Variants in DLGAP1 observed in about 807,000 individuals in gnomAD.
The protein encoded by DLGAP1 is disks large-associated protein 1.
DLGAP1 carries 11 observed loss-of-function variants against 90.8 expected under a neutral mutation model. That is an observed-to-expected ratio of 0.12 (90% CI 0.08 to 0.20). The LOEUF is 0.20. DLGAP1 is among the 10% of genes least tolerant of loss of function. The pLI is 1.00. For synonymous variants in DLGAP1, 558 were observed against 540.7 expected, an observed-to-expected ratio of 1.03 and a Z score of -0.44; for missense variants, 1,050 against 1,333.8, an observed-to-expected ratio of 0.79 and a Z score of 3.31.
intron 7 of DLGAP1, among the ~76,000 whole-genome samples, chr18:3,638,348 A>G (rs2146280344): frequency 6.6e-6 from 1 of 150,632 alleles, no homozygotes; most frequent in South Asian, 2.1e-4. Context: ...CCTGAGCTCA[A>G]GTGATCCTCC....
chr18:3,905,908 C>T (rs2071895806), intron 3 of DLGAP1, among the ~76,000 whole-genome samples: 1 of 152,184 alleles, frequency 6.6e-6, no homozygotes, highest in African/African-American at 2.4e-5. Flanking sequence ...AATGGTTTTA[C>T]CACAGCATTT....
chr18:3,635,784 T>C (rs141074492), intron 7 of DLGAP1, among the ~76,000 whole-genome samples: 23 of 151,716 alleles, frequency 1.5e-4, no homozygotes, highest in African/African-American at 5.6e-4. Context: ...TATGTTTAAA[T>C]AGTCAGCAAT....
intron 1 of DLGAP1, among the ~76,000 whole-genome samples, chr18:4,347,590 T>C (rs2081323229): frequency 6.6e-6 from 1 of 152,086 alleles, no homozygotes; most frequent in Admixed American, 6.6e-5. Flanking sequence ...TTTCCATATA[T>C]GCTGAAAGGC....
chr18:4,198,277 C>T (rs4287663), intron 1 of DLGAP1, among the ~76,000 whole-genome samples: 18,572 of 152,014 alleles, frequency 0.12, 1,372 homozygotes, highest in South Asian at 0.28. Context: ...AAACACCTAT[C>T]ATTGGATTTC....
chr18:3,652,025 G>A (rs897679482), intron 7 of DLGAP1, among the ~76,000 whole-genome samples: 4 of 151,810 alleles, frequency 2.6e-5, no homozygotes, highest in Admixed American at 1.3e-4. Flanking sequence ...TTAGCCGGGC[G>A]TGGTGGCGCG....
chr18:4,155,822 G>C (rs1180617195), intron 1 of DLGAP1, among the ~76,000 whole-genome samples: 1 of 152,142 alleles, frequency 6.6e-6, no homozygotes, highest in Non-Finnish European at 1.5e-5. Flanking sequence ...GCAGGAGTTT[G>C]AGCTTACAGT....
chr18:3,512,271 C>T (rs891502711), intron 10 of DLGAP1, among the ~76,000 whole-genome samples: 4 of 152,132 alleles, frequency 2.6e-5, no homozygotes, highest in Admixed American at 6.5e-5. Context: ...GTTCTTTTTA[C>T]ATAAGTAAAT....
intron 1 of DLGAP1, among the ~76,000 whole-genome samples, chr18:4,257,093 A>G (rs1286178974): frequency 1.3e-5 from 2 of 152,268 alleles, no homozygotes; most frequent in African/African-American, 4.8e-5. Context: ...AAAGCAGAGT[A>G]AGGGAGATAG....
intron 7 of DLGAP1, among the ~76,000 whole-genome samples, chr18:3,668,061 C>T (rs13381341): frequency 0.011 from 1,599 of 152,266 alleles, 34 homozygotes; most frequent in African/African-American, 0.036. Flanking sequence ...ACTATCATCT[C>T]CCATCTATTC....
intron 7 of DLGAP1, among the ~76,000 whole-genome samples, chr18:3,586,594 C>T (rs1599381082): frequency 1.3e-5 from 2 of 152,026 alleles, no homozygotes; most frequent in Non-Finnish European, 2.9e-5. Flanking sequence ...GAATAGGTGG[C>T]ACAACGGGCG....
chr18:4,020,314 C>A (rs757339574), intron 2 of DLGAP1, among the ~76,000 whole-genome samples: 1 of 152,068 alleles, frequency 6.6e-6, no homozygotes. Flanking sequence ...TTGTGAGGGG[C>A]CTTTGAATTT....
intron 10 of DLGAP1, among the ~76,000 whole-genome samples, chr18:3,515,682 G>A (rs1396190250): frequency 2.7e-5 from 4 of 150,098 alleles, no homozygotes; most frequent in African/African-American, 7.4e-5. Context: ...AGGAGGCTGA[G>A]TTGGGAGGAT....
chr18:4,384,259 T>A (rs2082186875), intron 1 of DLGAP1, among the ~76,000 whole-genome samples: 1 of 152,170 alleles, frequency 6.6e-6, no homozygotes. Flanking sequence ...ACACACTAAG[T>A]CTGATTTCGA....
rs560829406 is a variant in DLGAP1 at position 4,317,939 on chromosome 18, G to A, written c.-267+137067C>T. On this transcript the variant is annotated intron_variant, in intron 1 of 12. Coordinates refer to ENST00000315677, the MANE Select transcript of DLGAP1 (RefSeq NM_004746.4). Reference sequence around the variant, plus strand: ...CTCGGCTCACTGCAACCTCCGCCTCGTGGGTTCAAACGATTCTCCGGCCTC... The same window carrying A: ...CTCGGCTCACTGCAACCTCCGCCTCATGGGTTCAAACGATTCTCCGGCCTC... 9.3e-5 allele frequency among the ~76,000 whole-genome samples: 14 copies of A among 151,164 alleles called. No individual in the cohort carries two copies. The South Asian group carries it at 1.9e-3, about 20-fold the overall frequency.
At chr18:4,029,203 G>A (rs1199770883) in intron 2 of DLGAP1, among the ~76,000 whole-genome samples, 1 of 152,118 alleles carries the variant, frequency 6.6e-6, no homozygotes, top group Admixed American at 6.5e-5. Context: ...TCTTAAGGCT[G>A]AATGGTATTC....
At chr18:4,381,916 A>G (rs1033341510) in intron 1 of DLGAP1, among the ~76,000 whole-genome samples, 3 of 152,194 alleles carry the variant, frequency 2.0e-5, no homozygotes, top group South Asian at 2.1e-4. Context: ...GGCGGAAGGC[A>G]AAAGACACGT....
chr18:4,041,309 T>C (rs2074970933), intron 2 of DLGAP1, among the ~76,000 whole-genome samples: 1 of 152,220 alleles, frequency 6.6e-6, no homozygotes, highest in Non-Finnish European at 1.5e-5. Context: ...TGAGTGATTT[T>C]ATAGGATTGT....
At chr18:3,596,717 G>T in intron 7 of DLGAP1, 2 of 436,794 alleles carry the variant, frequency 4.6e-6, no homozygotes, top group East Asian at 6.7e-5. Flanking sequence ...GGCGTGAACA[G>T]GGATGAGAAG....
chr18:3,572,650 A>G (rs563840257), intron 8 of DLGAP1, among the ~76,000 whole-genome samples: 3 of 152,174 alleles, frequency 2.0e-5, no homozygotes, highest in African/African-American at 7.2e-5. Context: ...GGATTTTGCC[A>G]TGCTGGCCAG....
Sources: gnomAD v4.1 joint callset for allele counts (sites outside exome capture counted in the v4.1 genomes callset) on GRCh38, gnomAD v4.1.1 for gene constraint, MANE v1.5 for transcripts, NCBI Gene and HGNC (gene_info 2026-07-23, HGNC 2026-07-21) for gene names.